PIEZO2: variants seen among roughly 807,000 people sequenced by gnomAD.
PIEZO2 encodes the protein piezo-type mechanosensitive ion channel component 2.
In PIEZO2, 172 loss-of-function variants were observed where a neutral mutation model predicts 337.3. The observed-to-expected ratio is 0.51, with a 90% CI of 0.45 to 0.58. The LOEUF (loss-of-function observed/expected upper bound fraction) is 0.58, where lower values mean the gene tolerates loss of function less well. Ranked by LOEUF, PIEZO2 falls within the 20% of genes least tolerant of loss-of-function variation. The pLI is 0.00. For missense variants in PIEZO2, 3,028 were observed against 3,391.3 expected (o/e 0.89, Z 2.66); for synonymous variants, 1,251 against 1,228.5 (o/e 1.02, Z -0.38).
At chr18:10,858,489 A>G (rs1278698112) in intron 5 of PIEZO2, among the ~76,000 whole-genome samples, 3 of 152,156 alleles carry the variant, frequency 2.0e-5, no homozygotes, top group African/African-American at 7.2e-5. Flanking sequence ...GCTAAGAAGA[A>G]TTGTTAAGCC....
chr18:10,779,488 T>C (rs1881094), intron 18 of PIEZO2, among the ~76,000 whole-genome samples: 129,569 of 152,168 alleles, frequency 0.85, 55,226 homozygotes, highest in East Asian at 0.93. Context: ...TTTTATTTTG[T>C]GTGGACATTA....
At position 10,833,206 on chromosome 18, in the gene PIEZO2, C is replaced by T. The variant is rs2040902074; in HGVS notation, c.917+22147G>A. Among the ~76,000 whole-genome samples, 1 of 152,144 alleles carries T rather than the reference C, an allele frequency of 6.6e-6. No homozygotes were observed. The highest frequency in any genetic ancestry group is 1.5e-5 in the Non-Finnish European group (1 of 68,014). On this transcript the variant is annotated intron_variant, in intron 7 of 55. Transcript: ENST00000674853. The surrounding 1 kb of genome is among the most constrained non-coding windows in gnomAD (Gnocchi z 4.7). ...GTCGTCATGAACATGGCACATGGAG[C>T]ATGGTTGAGGGCTCAGAGACAGAAG...
rs1227482211 is a variant in PIEZO2, at chr18:10,862,342, T to A, written c.493-5131A>T. On this transcript the variant is annotated intron_variant, in intron 5 of 55. Coordinates refer to ENST00000674853, the MANE Select transcript of PIEZO2 (RefSeq NM_001378183.1). This position sits in a 1 kb window ranked among gnomAD's most constrained non-coding sequence, Gnocchi z 4.4. ...TCACATAAGGAAACTTTAGGTGCTATGGAATCAACTTTACACAAGGCCAGC... is the reference window on the plus strand; with the variant it reads ...TCACATAAGGAAACTTTAGGTGCTAAGGAATCAACTTTACACAAGGCCAGC... Among the ~76,000 whole-genome samples the A allele has an allele frequency of 6.6e-6, 1 of 152,188 alleles. No individual in the cohort carries two copies. The highest frequency in any genetic ancestry group is 1.9e-4 in the East Asian group (1 of 5,186).
intron 1 of PIEZO2, among the ~76,000 whole-genome samples, chr18:11,113,801 G>C (rs1004507405): frequency 6.6e-6 from 1 of 152,236 alleles, no homozygotes; most frequent in African/African-American, 2.4e-5. Flanking sequence ...CCCCCGAGGA[G>C]TGACAAGAAA....
intron 26 of PIEZO2, 90 bp from the exon 27 acceptor site, chr18:10,758,224 T>C (rs2037968171): frequency 7.4e-7 from 1 of 1,357,400 alleles, no homozygotes; most frequent in Admixed American, 2.4e-5. Context: ...CAACAGCCAT[T>C]CCCCAGCTCC....
At chr18:11,081,246 C>T (rs1555708377) in intron 1 of PIEZO2, among the ~76,000 whole-genome samples, 1 of 152,182 alleles carries the variant, frequency 6.6e-6, no homozygotes, top group Non-Finnish European at 1.5e-5. Flanking sequence ...ACAGCAGACA[C>T]TTTGAGGCTT....
intron 3 of PIEZO2, among the ~76,000 whole-genome samples, chr18:10,914,907 G>A (rs1193735638): frequency 1.3e-5 from 2 of 152,066 alleles, no homozygotes; most frequent in Non-Finnish European, 1.5e-5. Flanking sequence ...TGACAAACCA[G>A]CCTTTAAGCT....
In PIEZO2 at chr18:10,757,972, C is replaced by T. The variant is rs573830256; in HGVS notation, c.3920G>A (p.Cys1307Tyr). 1 of 1,534,468 alleles carries T rather than the reference C, an allele frequency of 6.5e-7. No individual in the cohort carries two copies. Among genetic ancestry groups the T allele is most frequent in the Non-Finnish European group, 8.7e-7 (1 of 1,145,572 alleles). Reference protein sequence around the residue: ...QHNPVPDFIHCRSYLDMSKVI... With the variant: ...QHNPVPDFIHYRSYLDMSKVI... ...GCAAATGTGAAGCTCTTGTTACCTG[C>T]AGTGAATAAAATCTGGCACAGGGTT... Residue 1307 changes from cysteine to tyrosine, a missense_variant, in exon 27 of 56, where the codon TGC (cysteine) becomes TAC (tyrosine). Coordinates refer to ENST00000674853, the MANE Select transcript of PIEZO2 (RefSeq NM_001378183.1).
chr18:10,671,467 T>A lies in PIEZO2; in HGVS notation c.*60A>T. On this transcript the variant is annotated 3_prime_UTR_variant, in exon 56 of 56. Transcript: ENST00000674853. ...TAGAAATGCTTAGCTCTTATGAGAA[T>A]ATTGTGCTTTTAAAAAAAATTCAAA... The A allele has an allele frequency of 1.3e-6, 2 of 1,521,430 alleles. No individual in the cohort carries two copies. Among genetic ancestry groups the A allele is most frequent in the Non-Finnish European group, 1.8e-6 (2 of 1,122,174 alleles). The allele number at this position is 1,521,430 out of a possible 1,614,324, so 94.2% of individuals were successfully genotyped here.
At position 10,872,581 on chromosome 18, in the gene PIEZO2, AC is replaced by A. The variant is rs148347701; in HGVS notation, c.330-1167del. 0.019 allele frequency among the ~76,000 whole-genome samples: 2,881 copies of A among 152,288 alleles called. 109 individuals carry two copies. The highest frequency in any genetic ancestry group is 0.066 in the African/African-American group (2,748 of 41,550). On this transcript the variant is annotated intron_variant, in intron 4 of 55. Coordinates refer to ENST00000674853, the MANE Select transcript of PIEZO2 (RefSeq NM_001378183.1). The surrounding 1 kb of genome is among the most constrained non-coding windows in gnomAD (Gnocchi z 4.3). Reference sequence around the variant, plus strand: ...CTTCTCACACCATTCAGCACACGACACGGGCCAGCCATGTCCCTCATCCGGT... The same window carrying A: ...CTTCTCACACCATTCAGCACACGACAGGGCCAGCCATGTCCCTCATCCGGT...
intron 7 of PIEZO2, among the ~76,000 whole-genome samples, chr18:10,818,670 G>T: frequency 6.6e-6 from 1 of 152,288 alleles, no homozygotes; most frequent in African/African-American, 2.4e-5. Context: ...GAATAAGTTT[G>T]ATGGAGGACA....
rs577752111 is a variant in PIEZO2, at chr18:10,752,795, G to T, written c.4008C>A (p.Thr1336=). The T allele has an allele frequency of 1.6e-5, 24 of 1,537,152 alleles. 1 individual carries two copies. In the South Asian group the frequency reaches 2.9e-4, roughly 18 times the overall value. ...VLTIIFITGT[T]RISIFCMGYL... is the part of the protein sequence containing the mutation. ...ACCCCATGCAAAAGATGCTGATCCT[G>T]GTGGTCCCAGTGATGAAGATGATGG... The change falls in exon 28 of 56, where the codon ACC becomes ACA. Residue 1336 remains threonine (T), a synonymous_variant. Transcript: ENST00000674853.
intron 2 of PIEZO2, among the ~76,000 whole-genome samples, chr18:11,029,393 C>T (rs1219405538): frequency 6.6e-6 from 1 of 152,126 alleles, no homozygotes; most frequent in Non-Finnish European, 1.5e-5. Context: ...GGTTTTTCAC[C>T]AAATTAGATG....
intron 10 of PIEZO2, among the ~76,000 whole-genome samples, chr18:10,800,980 C>G (rs2039792503): frequency 6.6e-6 from 1 of 152,260 alleles, no homozygotes; most frequent in African/African-American, 2.4e-5. Context: ...CTGGGGATCT[C>G]TGCCTGACTG....
At chr18:10,710,740 G>A (rs1465497883) in intron 39 of PIEZO2, among the ~76,000 whole-genome samples, 2 of 152,182 alleles carry the variant, frequency 1.3e-5, no homozygotes, top group Non-Finnish European at 2.9e-5. Context: ...GCAGCCTCCT[G>A]GCCACCAGAC....
chr18:10,702,735 T>C (rs148090781), intron 42 of PIEZO2, among the ~76,000 whole-genome samples: 232 of 152,366 alleles, frequency 1.5e-3, no homozygotes, highest in African/African-American at 5.3e-3. Flanking sequence ...GCAGGGTTCT[T>C]GGTTTCTGAC....
rs1024343334 is a variant in PIEZO2, at chr18:10,828,115, G to A, written c.918-20841C>T. Among the ~76,000 whole-genome samples the A allele has an allele frequency of 4.7e-4, 64 of 136,592 alleles. No homozygotes were observed. The highest frequency in any genetic ancestry group is 3.6e-3 in the Middle Eastern group (1 of 276). 89.6% of individuals were successfully genotyped at this position (136,592 alleles called of 152,430 possible). A position where few individuals can be genotyped will look rare whatever the true frequency, so the allele number is the denominator to read the frequency against. The stretch of plus-strand genomic sequence containing the variant: ...CTAGACAAGCTCGAAATAGCATGAC[G>A]GTTTTTTTTTGTTTGTTTGTTTTTG... On this transcript the variant is annotated intron_variant, in intron 7 of 55. Transcript: ENST00000674853. This position sits in a 1 kb window ranked among gnomAD's most constrained non-coding sequence, Gnocchi z 4.1.
intron 4 of PIEZO2, among the ~76,000 whole-genome samples, chr18:10,885,894 G>A (rs1439412457): frequency 1.3e-5 from 2 of 152,240 alleles, no homozygotes; most frequent in African/African-American, 4.8e-5. Context: ...CAGGGCTGTG[G>A]GCGTGGATTA....
rs1432006856 is a variant in PIEZO2 at position 11,127,867 on chromosome 18, A to G, written c.64+20658T>C. ...TTCCTCTAAGAGAACCCTAATACAG[A>G]TTTTGGTATCAGGAGTGGTTCTAGA... is the stretch of plus-strand genomic sequence containing the variant. On this transcript the variant is annotated intron_variant, in intron 1 of 55. Transcript: ENST00000674853. This position sits in a 1 kb window ranked among gnomAD's most constrained non-coding sequence, Gnocchi z 4.5. 6.7e-6 allele frequency among the ~76,000 whole-genome samples: 1 copy of G among 150,236 alleles called. No individual in the cohort carries two copies. Among genetic ancestry groups the G allele is most frequent in the Non-Finnish European group, 1.5e-5 (1 of 67,808 alleles).
Sources: allele counts gnomAD v4.1 joint callset (sites outside exome capture counted in the v4.1 genomes callset), GRCh38; gene constraint gnomAD v4.1.1; non-coding constraint Gnocchi (gnomAD v3.1); transcripts MANE v1.5; gene names NCBI Gene and HGNC (gene_info 2026-07-23, HGNC 2026-07-21).